VPS13D: variants seen among roughly 807,000 people sequenced by gnomAD.
The protein encoded by VPS13D is intermembrane lipid transfer protein VPS13D.
A neutral mutation model predicts 461.9 loss-of-function variants in VPS13D; 187 were observed. The ratio of observed to expected loss-of-function variants is 0.40; its 90% CI spans 0.36 to 0.46. VPS13D has a LOEUF of 0.46. Ranked by LOEUF, VPS13D falls within the 20% of genes least tolerant of loss-of-function variation. VPS13D has a pLI of 0.60. For missense variants in VPS13D, 4,711 were observed against 5,364.9 expected (o/e 0.88, Z 3.81); for synonymous variants, 1,951 against 1,986.3 (o/e 0.98, Z 0.47).
rs1642119283 is a variant in VPS13D, at chr1:12,291,068, C to G, written c.5796C>G (p.Phe1932Leu). The G allele has an allele frequency of 6.2e-7, 1 of 1,613,916 alleles. No individual in the cohort carries two copies. Among genetic ancestry groups the G allele is most frequent in the African/African-American group, 1.3e-5 (1 of 74,910 alleles). Reference sequence around the variant, plus strand: ...GTGACCTCACATGCCATGGAGAGTTCTACAGAGAACGGTTCACTACCAGTG... The same window carrying G: ...GTGACCTCACATGCCATGGAGAGTTGTACAGAGAACGGTTCACTACCAGTG... ...SLSDLTCHGE[F>L]YRERFTTSGE... The change falls in exon 23 of 70, where the codon TTC (phenylalanine) becomes TTG (leucine). Residue 1932 changes from phenylalanine to leucine, a missense_variant. Around this residue, in one of 3 missense-constraint regions of VPS13D, gnomAD observed 4,411 missense variants for 4,937.8 expected, o/e 0.89. Coordinates refer to ENST00000620676, the MANE Select transcript of VPS13D (RefSeq NM_015378.4).
intron 6 of VPS13D, 111 bp downstream of exon 6, chr1:12,249,450 C>A: frequency 2.5e-6 from 2 of 808,890 alleles, no homozygotes; most frequent in South Asian, 2.0e-5. Context: ...TTTTCCATTG[C>A]CTTCTGTGAT....
Position 12,322,649 on chromosome 1 carries a change from C to G in VPS13D, c.7818C>G (p.Ala2606=). 1.2e-6 allele frequency: 2 copies of G among 1,614,168 alleles called. No individual in the cohort carries two copies. Among genetic ancestry groups the G allele is most frequent in the Non-Finnish European group, 1.7e-6 (2 of 1,180,030 alleles). ...ATGCTGCAGTGCCAGACTCAGTGGC[C>G]CTGGAGTCAGACTCCGTTGGCACTT... The part of the protein sequence containing the change: ...QANAAVPDSV[A]LESDSVGTYL... The change falls in exon 34 of 70, where the codon GCC becomes GCG. Residue 2606 remains alanine (A), a synonymous_variant. Transcript: ENST00000620676.
At chr1:12,422,649 A>G (rs1011943234) in intron 65 of VPS13D, among the ~76,000 whole-genome samples, 1 of 152,220 alleles carries the variant, frequency 6.6e-6, no homozygotes, top group Non-Finnish European at 1.5e-5. Context: ...TGTGGAATAC[A>G]TACTAATGTA....
chr1:12,408,191 G>A (rs919621549), intron 63 of VPS13D, among the ~76,000 whole-genome samples: 1 of 152,098 alleles, frequency 6.6e-6, no homozygotes, highest in Non-Finnish European at 1.5e-5. Flanking sequence ...CTCCATTCTG[G>A]CTTTCATGCT....
intron 21 of VPS13D, among the ~76,000 whole-genome samples, chr1:12,285,000 G>A (rs554415277): frequency 4.3e-4 from 65 of 152,282 alleles, no homozygotes; most frequent in African/African-American, 1.5e-3. Flanking sequence ...GATGATCTGC[G>A]TCAGGAACTC....
In VPS13D at chr1:12,299,392, A is replaced by G. The variant is rs749479213; in HGVS notation, c.6216+8A>G. 3 of 1,599,304 alleles carry G rather than the reference A, an allele frequency of 1.9e-6. No homozygotes were observed. Among genetic ancestry groups the G allele is most frequent in the South Asian group, 2.3e-5 (2 of 88,386 alleles). ...TTTTCCCTACAAGATAAGGTGAGCA[A>G]TCAGTATCCATTTCCTTTTCCGTTC... On this transcript the variant is annotated splice_region_variant and intron_variant, in intron 25 of 69. Transcript: ENST00000620676. This position sits in a 1 kb window ranked among gnomAD's most constrained non-coding sequence, Gnocchi z 4.2.
At chr1:12,506,398 A>G (rs1450471037) in intron 68 of VPS13D, among the ~76,000 whole-genome samples, 1 of 152,176 alleles carries the variant, frequency 6.6e-6, no homozygotes, top group African/African-American at 2.4e-5. Flanking sequence ...TGCTGAGCTT[A>G]GAGAGGGAGG....
intron 65 of VPS13D, among the ~76,000 whole-genome samples, chr1:12,448,523 C>G (rs187098346): frequency 2.0e-5 from 3 of 152,232 alleles, no homozygotes; most frequent in East Asian, 1.9e-4. Context: ...AAGCATACCC[C>G]CCTTCTGCCA....
At chr1:12,375,067 A>C (rs997294620) in intron 55 of VPS13D, among the ~76,000 whole-genome samples, 1 of 152,096 alleles carries the variant, frequency 6.6e-6, no homozygotes, top group Non-Finnish European at 1.5e-5. Context: ...AGTTTTTCTT[A>C]TCTTTGGCCA....
chr1:12,266,510 T>G (rs972734744), intron 13 of VPS13D, among the ~76,000 whole-genome samples: 2 of 152,268 alleles, frequency 1.3e-5, no homozygotes, highest in Admixed American at 1.3e-4. Flanking sequence ...TTCACAGGAT[T>G]GTTAGCACTT....
At chr1:12,377,257 A>G (rs184874435) in intron 55 of VPS13D, among the ~76,000 whole-genome samples, 1,729 of 150,388 alleles carry the variant, frequency 0.011, 21 homozygotes, top group Non-Finnish European at 0.015. Flanking sequence ...ACGGGGTTTC[A>G]CCATGTTGGC....
chr1:12,304,244 G>T (rs1259164255), intron 25 of VPS13D, among the ~76,000 whole-genome samples: 1 of 152,192 alleles, frequency 6.6e-6, no homozygotes, highest in African/African-American at 2.4e-5. Flanking sequence ...CCAAAAGATG[G>T]TATCTTCCTG....
intron 20 of VPS13D, among the ~76,000 whole-genome samples, chr1:12,280,803 T>TTTATGGTTACCA (rs1553173759): frequency 1.3e-5 from 2 of 152,160 alleles, no homozygotes; most frequent in Admixed American, 1.3e-4. Flanking sequence ...TTGACTTATT[T>TTTATGGTTACCA]TTATGGTTAC....
At chr1:12,423,675 G>A (rs901960529) in intron 65 of VPS13D, among the ~76,000 whole-genome samples, 1 of 152,150 alleles carries the variant, frequency 6.6e-6, no homozygotes, top group African/African-American at 2.4e-5. Flanking sequence ...CACCAGATTT[G>A]GTGCCTAGCC....
At chr1:12,231,121 T>G (rs537163168) in intron 1 of VPS13D, among the ~76,000 whole-genome samples, 1 of 152,354 alleles carries the variant, frequency 6.6e-6, no homozygotes, top group East Asian at 1.9e-4. Flanking sequence ...CTCAAGGTCA[T>G]GCCCGGCTGT....
In VPS13D at chr1:12,322,720, C is replaced by G; in HGVS notation, c.7889C>G (p.Thr2630Arg). ...SRVGEEIREG[T>R]RHTLDPVLEL... ...GTTGGAGAGGAAATCAGAGAAGGGA[C>G]AAGACACACCTTAGATCCTGTCTTG... The change falls in exon 34 of 70, where the codon ACA becomes AGA. Residue 2630 changes from threonine to arginine, a missense_variant. Physicochemically the swap from Thr to Arg is moderately conservative, Grantham distance 71. Around this residue, in one of 3 missense-constraint regions of VPS13D, gnomAD observed 4,411 missense variants for 4,937.8 expected, o/e 0.89. Coordinates refer to ENST00000620676, the MANE Select transcript of VPS13D (RefSeq NM_015378.4). 3.7e-6 allele frequency: 6 copies of G among 1,614,174 alleles called. No individual in the cohort carries two copies. The highest frequency in any genetic ancestry group is 1.3e-5 in the African/African-American group (1 of 75,060).
chr1:12,256,595 A>G (rs1640929225), intron 8 of VPS13D, 92 bp downstream of exon 8: 1 of 1,431,292 alleles, frequency 7.0e-7, no homozygotes, highest in South Asian at 1.3e-5. Context: ...GCAGGAAAGA[A>G]AGTTCATGTG....
At chr1:12,374,010 G>A (rs1449204657) in intron 55 of VPS13D, 152 bp downstream of exon 55, 3 of 491,648 alleles carry the variant, frequency 6.1e-6, no homozygotes, top group South Asian at 5.0e-5. Flanking sequence ...CAGTGTTAGG[G>A]CGGATGAGTA....
At chr1:12,467,052 C>T (rs1329584235) in intron 67 of VPS13D, among the ~76,000 whole-genome samples, 1 of 152,226 alleles carries the variant, frequency 6.6e-6, no homozygotes, top group African/African-American at 2.4e-5. Context: ...GTAGATGGGT[C>T]ATTTTCTCAT....
Sources: gnomAD v4.1 joint callset for allele counts (sites outside exome capture counted in the v4.1 genomes callset) on GRCh38, gnomAD v4.1.1 for gene constraint, gnomAD v4.1.1 regional missense constraint, Gnocchi (gnomAD v3.1) non-coding constraint, MANE v1.5 for transcripts, NCBI Gene and HGNC (gene_info 2026-07-23, HGNC 2026-07-21) for gene names.